Variants in CORO2B observed in about 807,000 individuals in gnomAD.
The protein encoded by CORO2B is coronin-2B.
CORO2B carries 26 observed loss-of-function variants against 58.8 expected under a neutral mutation model. That is an observed-to-expected ratio of 0.44 (90% CI 0.32 to 0.61). The LOEUF is 0.61. Ranked by LOEUF, CORO2B falls within the 20% of genes least tolerant of loss-of-function variation. The pLI, the probability that CORO2B is intolerant of heterozygous loss-of-function variation, is 0.04. For missense variants in CORO2B, 460 were observed against 645.1 expected (o/e 0.71, Z 3.11); for synonymous variants, 242 against 253.8 (o/e 0.95, Z 0.44).
intron 5 of CORO2B, among the ~76,000 whole-genome samples, chr15:68,713,337 C>T (rs1234549961): frequency 1.3e-5 from 2 of 152,170 alleles, no homozygotes; most frequent in South Asian, 2.1e-4. Context: ...ACTTGGTGGA[C>T]GTTGGCTCCC....
intron 2 of CORO2B, among the ~76,000 whole-genome samples, chr15:68,653,273 G>C (rs545550570): frequency 5.9e-5 from 9 of 152,172 alleles, no homozygotes; most frequent in African/African-American, 2.2e-4. Context: ...TTCCTGGACC[G>C]AAAAGGAAGC....
intron 2 of CORO2B, among the ~76,000 whole-genome samples, chr15:68,675,065 GTACT>G (rs1902530786): frequency 6.6e-6 from 1 of 152,162 alleles, no homozygotes; most frequent in Non-Finnish European, 1.5e-5. Flanking sequence ...CCTTCCTTTT[GTACT>G]GGTCAGACCA....
chr15:68,672,159 G>GGTGTGTGTGT (rs60989044), intron 2 of CORO2B, among the ~76,000 whole-genome samples: 11,129 of 146,166 alleles, frequency 0.076, 634 homozygotes, highest in African/African-American at 0.15. Context: ...GTAATCGGGA[G>GGTGTGTGTGT]GTGTGTGTGT....
At chr15:68,540,696 A>G in the CORO2B span, among the ~76,000 whole-genome samples, 1 of 152,236 alleles carries the variant, frequency 6.6e-6, no homozygotes, top group Non-Finnish European at 1.5e-5. Context: ...TAACATGAAT[A>G]ATTTTAACTG....
intron 2 of CORO2B, among the ~76,000 whole-genome samples, chr15:68,647,877 A>G (rs1476133693): frequency 6.6e-6 from 1 of 151,116 alleles, no homozygotes; most frequent in African/African-American, 2.4e-5. Flanking sequence ...AAAAAGAAAA[A>G]AATTAGCCGA....
intron 2 of CORO2B, among the ~76,000 whole-genome samples, chr15:68,689,742 A>G (rs2140308866): frequency 6.6e-6 from 1 of 152,336 alleles, no homozygotes; most frequent in South Asian, 2.1e-4. Context: ...ATTTTTTAAA[A>G]ATTTACAATC....
At chr15:68,673,950 G>A (rs544326312) in intron 2 of CORO2B, among the ~76,000 whole-genome samples, 1 of 152,148 alleles carries the variant, frequency 6.6e-6, no homozygotes, top group Non-Finnish European at 1.5e-5. Context: ...AAGAAGGGTT[G>A]ACTTTTTCGG....
At chr15:68,532,534 A>T in the CORO2B span, among the ~76,000 whole-genome samples, 1 of 152,010 alleles carries the variant, frequency 6.6e-6, no homozygotes, top group African/African-American at 2.4e-5. Flanking sequence ...ATTTTTATTT[A>T]AGTCCTTGAA....
chr15:68,715,274 C>A lies in CORO2B; in HGVS notation c.930C>A (p.Leu310=), dbSNP rs1393994507. ...ISTEKPYLSY[L]MEFRSPAPQK... is the part of the protein sequence containing the mutation. ...CTGAGAAGCCCTACCTGAGTTACCT[C>A]ATGGAGTTCCGCTCCCCAGCCCCGC... Residue 310 remains leucine, a synonymous_variant, in exon 8 of 12, where the codon CTC becomes CTA. Transcript: ENST00000261861. 1 of 1,614,072 alleles carries A rather than the reference C, an allele frequency of 6.2e-7. No homozygotes were observed. The highest frequency in any genetic ancestry group is 8.5e-7 in the Non-Finnish European group (1 of 1,179,990).
chr15:68,611,755 T>C (rs1041234665), intron 1 of CORO2B, among the ~76,000 whole-genome samples: 1 of 151,882 alleles, frequency 6.6e-6, no homozygotes, highest in Non-Finnish European at 1.5e-5. Context: ...TTTAGGTTTT[T>C]CCAATTTTCC....
At chr15:68,525,141 A>T in the CORO2B span, among the ~76,000 whole-genome samples, 1 of 152,206 alleles carries the variant, frequency 6.6e-6, no homozygotes, top group Non-Finnish European at 1.5e-5. Flanking sequence ...CCCCCTAAAA[A>T]ACCCCAAAAA....
At chr15:68,557,598 A>G in the CORO2B span, among the ~76,000 whole-genome samples, 1 of 152,218 alleles carries the variant, frequency 6.6e-6, no homozygotes, top group Non-Finnish European at 1.5e-5. Flanking sequence ...TCACAAAGGG[A>G]AGGGCAGCAT....
At chr15:68,660,746 A>G (rs1901988525) in intron 2 of CORO2B, among the ~76,000 whole-genome samples, 1 of 152,156 alleles carries the variant, frequency 6.6e-6, no homozygotes, top group African/African-American at 2.4e-5. Context: ...ATTTCCTTGA[A>G]TGGCTCTGTG....
chr15:68,724,233 A>T (rs1407466326), intron 11 of CORO2B, among the ~76,000 whole-genome samples: 1 of 152,166 alleles, frequency 6.6e-6, no homozygotes, highest in Non-Finnish European at 1.5e-5. Context: ...TAATAAAAAT[A>T]AAACATATAC....
At chr15:68,546,073 C>A in the CORO2B span, among the ~76,000 whole-genome samples, 3 of 152,162 alleles carry the variant, frequency 2.0e-5, no homozygotes, top group Non-Finnish European at 4.4e-5. Flanking sequence ...GTCCTTGCCA[C>A]CCTTAGTTGC....
intron 1 of CORO2B, among the ~76,000 whole-genome samples, chr15:68,581,764 G>A (rs773641953): frequency 2.0e-5 from 3 of 152,122 alleles, no homozygotes; most frequent in South Asian, 2.1e-4. Flanking sequence ...AGGTAGGATC[G>A]CTGCTGACAC....
At chr15:68,605,992 G>A (rs930114194) in intron 1 of CORO2B, among the ~76,000 whole-genome samples, 2 of 152,028 alleles carry the variant, frequency 1.3e-5, no homozygotes, top group Middle Eastern at 3.2e-3. Flanking sequence ...CCAAAGTGCT[G>A]GGATTATAGC....
chr15:68,576,152 C>CAAAAAAAAAAAAAA (rs3985627), upstream of CORO2B, among the ~76,000 whole-genome samples: 42 of 62,160 alleles, frequency 6.8e-4, no homozygotes, highest in Middle Eastern at 0.019. Flanking sequence ...GACTACGTCG[C>CAAAAAAAAAAAAAA]AAAAAAAAAA....
chr15:68,540,013 A>G, the CORO2B span, among the ~76,000 whole-genome samples: 3 of 152,272 alleles, frequency 2.0e-5, no homozygotes, highest in East Asian at 5.8e-4. Context: ...AGATAATTGT[A>G]GATATTCTCC....
Sources: allele counts gnomAD v4.1 joint callset (sites outside exome capture counted in the v4.1 genomes callset), GRCh38; gene constraint gnomAD v4.1.1; transcripts MANE v1.5; gene names NCBI Gene and HGNC (gene_info 2026-07-23, HGNC 2026-07-21).